Variants in E2F3 observed in about 807,000 individuals in gnomAD.
The protein encoded by E2F3 is transcription factor E2F3.
A neutral mutation model predicts 44.4 loss-of-function variants in E2F3; 11 were observed. That is an observed-to-expected ratio of 0.25 (90% confidence interval 0.16 to 0.41). The LOEUF (loss-of-function observed/expected upper bound fraction) is 0.41. Ranked by LOEUF, E2F3 falls within the 10% of genes least tolerant of loss-of-function variation. The pLI is 1.00. For synonymous variants in E2F3, 249 were observed against 253.0 expected (o/e 0.98, Z 0.15); for missense variants, 487 against 583.6 (o/e 0.83, Z 1.70).
intron 3 of E2F3, 150 bp downstream of exon 3, chr6:20,481,575 A>C (rs1290446904): frequency 2.8e-6 from 2 of 702,344 alleles, no homozygotes; most frequent in Non-Finnish European, 4.7e-6. Flanking sequence ...TTCCCTCCTC[A>C]GCTTCTAAGC....
At chr6:20,406,029 G>A (rs753039118) in intron 1 of E2F3, among the ~76,000 whole-genome samples, 1 of 152,144 alleles carries the variant, frequency 6.6e-6, no homozygotes, top group African/African-American at 2.4e-5. Flanking sequence ...GTGATTGGCT[G>A]AACAAAGACC....
At chr6:20,455,402 C>T (rs1417704427) in intron 1 of E2F3, among the ~76,000 whole-genome samples, 1 of 152,148 alleles carries the variant, frequency 6.6e-6, no homozygotes, top group East Asian at 1.9e-4. Flanking sequence ...CAGATTGATT[C>T]CAACCCTCTT....
chr6:20,442,701 G>A (rs1760816293), intron 1 of E2F3, among the ~76,000 whole-genome samples: 1 of 152,178 alleles, frequency 6.6e-6, no homozygotes, highest in Non-Finnish European at 1.5e-5. Flanking sequence ...GGGTGAGGTG[G>A]CTCATGCCTG....
intron 3 of E2F3, among the ~76,000 whole-genome samples, chr6:20,482,145 C>T (rs936100641): frequency 1.6e-4 from 24 of 151,980 alleles, no homozygotes; most frequent in African/African-American, 5.8e-4. Context: ...CCTTTTTTTG[C>T]ACATTTTGGA....
Position 20,402,431 on chromosome 6 carries a change from A to G in E2F3, c.199A>G (p.Thr67Ala). ...CCAGATCCTCACCACGAACACTTCC[A>G]CCACCTCCTGTTCCTCCTCCCTCCA... The part of the protein sequence containing the change: ...YIQILTTNTS[T>A]TSCSSSLQSG... The change falls in exon 1 of 7, where the codon ACC becomes GCC. Residue 67 changes from threonine (T) to alanine (A), a missense_variant. By Grantham distance (58) the Thr-to-Ala change is moderately conservative. Transcript: ENST00000346618. This position sits in a 1 kb window ranked among gnomAD's most constrained non-coding sequence, Gnocchi z 5.6. The G allele has an allele frequency of 6.2e-7, 1 of 1,609,620 alleles. No individual in the cohort carries two copies. Among genetic ancestry groups the G allele is most frequent in the Non-Finnish European group, 8.5e-7 (1 of 1,179,060 alleles).
intron 1 of E2F3, among the ~76,000 whole-genome samples, chr6:20,415,331 G>A (rs1031413662): frequency 3.3e-5 from 5 of 152,232 alleles, no homozygotes; most frequent in Non-Finnish European, 7.3e-5. Flanking sequence ...GACAAAGGAG[G>A]CTTCAGGAAG....
intron 1 of E2F3, among the ~76,000 whole-genome samples, chr6:20,438,785 G>A (rs1760676140): frequency 6.6e-6 from 1 of 152,186 alleles, no homozygotes; most frequent in Admixed American, 6.6e-5. Context: ...ATCTGGTTAA[G>A]TTAGCCAGAT....
chr6:20,466,743 C>T (rs1316255667), intron 1 of E2F3, among the ~76,000 whole-genome samples: 2 of 149,846 alleles, frequency 1.3e-5, no homozygotes, highest in African/African-American at 4.9e-5. Context: ...AGTGCAGTGG[C>T]GCAATCTCTG....
chr6:20,493,145 CAATT>C lies in E2F3; in HGVS notation c.*2720_*2723del. The C allele has an allele frequency of 4.5e-6, 1 of 223,548 alleles. No homozygotes were observed. The highest frequency in any genetic ancestry group is 9.0e-6 in the Non-Finnish European group (1 of 111,722). The allele number at this position is 223,548 out of a possible 1,614,324, so 13.8% of individuals were successfully genotyped here. A position where few individuals can be genotyped will look rare whatever the true frequency, so the allele number is the denominator to read the frequency against. ...ATTTAGCAATTTTGTACAAAAATAGCAATTAATTTGTAAACACTGCCAGAATACT... is the reference window on the plus strand; with the variant it reads ...ATTTAGCAATTTTGTACAAAAATAGCAATTTGTAAACACTGCCAGAATACT... On this transcript the variant is annotated 3_prime_UTR_variant, in exon 7 of 7. Coordinates refer to ENST00000346618, the MANE Select transcript of E2F3 (RefSeq NM_001949.5).
chr6:20,459,054 A>G (rs1173293133), intron 1 of E2F3, among the ~76,000 whole-genome samples: 1 of 152,194 alleles, frequency 6.6e-6, no homozygotes, highest in Non-Finnish European at 1.5e-5. Flanking sequence ...ACCTGAGGTC[A>G]GTATCACCTG....
chr6:20,405,586 A>T (rs1759468366), intron 1 of E2F3, among the ~76,000 whole-genome samples: 2 of 152,124 alleles, frequency 1.3e-5, no homozygotes, highest in Non-Finnish European at 2.9e-5. Flanking sequence ...GTACTTTGGG[A>T]AGCCGAGGGG....
intron 4 of E2F3, among the ~76,000 whole-genome samples, chr6:20,484,000 G>A (rs947829963): frequency 3.9e-5 from 6 of 152,210 alleles, no homozygotes; most frequent in African/African-American, 1.2e-4. Context: ...GAAGAGAGGC[G>A]TAGTGATTTG....
intron 1 of E2F3, among the ~76,000 whole-genome samples, chr6:20,412,377 C>CT (rs997756180): frequency 2.2e-4 from 33 of 151,744 alleles, no homozygotes; most frequent in African/African-American, 7.2e-4. Context: ...GATTTTTTTT[C>CT]TTTTTTTAAT....
At chr6:20,474,621 CCCTGGTGCTCAG>C (rs1239278584) in intron 1 of E2F3, among the ~76,000 whole-genome samples, 14 of 152,226 alleles carry the variant, frequency 9.2e-5, no homozygotes, top group Non-Finnish European at 1.6e-4. Flanking sequence ...TTTCCATCTA[CCCTGGTGCTCAG>C]CCCAGGGCAG....
Position 20,473,477 on chromosome 6 carries a change from G to A in E2F3, c.394-6369G>A, listed in dbSNP as rs11759083. On this transcript the variant is annotated intron_variant, in intron 1 of 6. Transcript: ENST00000346618. ...GAGTGGAAAACAGTTAACATGGTGC[G>A]TAGCATATTATAAGCACTCAAATAT... Among the ~76,000 whole-genome samples the A allele has an allele frequency of 7.5e-3, 1,147 of 152,266 alleles. 6 individuals are homozygous for A. Among genetic ancestry groups the A allele is most frequent in the Non-Finnish European group, 0.011 (734 of 68,018 alleles).
At chr6:20,472,064 A>ACACACACACACT (rs1467735206) in intron 1 of E2F3, among the ~76,000 whole-genome samples, 1 of 150,612 alleles carries the variant, frequency 6.6e-6, no homozygotes, top group African/African-American at 2.5e-5. Context: ...ACACACACAC[A>ACACACACACACT]CACACTCACA....
chr6:20,472,365 C>A (rs773003100), intron 1 of E2F3, among the ~76,000 whole-genome samples: 1 of 152,008 alleles, frequency 6.6e-6, no homozygotes, highest in African/African-American at 2.4e-5. Context: ...TGGTCACTGA[C>A]AAATTATTGC....
intron 1 of E2F3, among the ~76,000 whole-genome samples, chr6:20,458,933 A>G (rs1260111241): frequency 4.1e-5 from 5 of 120,740 alleles, no homozygotes; most frequent in East Asian, 5.2e-4. Flanking sequence ...TGGGGTCTAC[A>G]TCAGATTTTC....
At chr6:20,412,528 G>C (rs1189595621) in intron 1 of E2F3, among the ~76,000 whole-genome samples, 2 of 152,000 alleles carry the variant, frequency 1.3e-5, no homozygotes, top group Non-Finnish European at 2.9e-5. Flanking sequence ...TCAGTATGGG[G>C]AGATAACAGG....
Sources: allele counts gnomAD v4.1 joint callset (sites outside exome capture counted in the v4.1 genomes callset), GRCh38; gene constraint gnomAD v4.1.1; non-coding constraint Gnocchi (gnomAD v3.1); transcripts MANE v1.5; gene names NCBI Gene and HGNC (gene_info 2026-07-23, HGNC 2026-07-21).